Variants in TTC6 observed in about 807,000 individuals in gnomAD.
TTC6 encodes tetratricopeptide repeat domain 6, also known as tetratricopeptide repeat protein 6.
TTC6 carries 172 observed loss-of-function variants against 210.4 expected under a neutral mutation model. The ratio of observed to expected loss-of-function variants is 0.82; its 90% CI spans 0.72 to 0.93. The LOEUF is 0.93. Ranked by LOEUF, TTC6 falls within the 40% of genes least tolerant of loss-of-function variation. TTC6 has a pLI of 0.00. For synonymous variants in TTC6, 804 were observed against 819.6 expected (o/e 0.98, Z 0.32); for missense variants, 2,414 against 2,318.1 (o/e 1.04, Z -0.85).
intron 14 of TTC6, among the ~76,000 whole-genome samples, chr14:37,756,458 C>T (rs2095968059): frequency 6.6e-6 from 1 of 152,092 alleles, no homozygotes; most frequent in South Asian, 2.1e-4. Flanking sequence ...AGCATTTGGC[C>T]ATTCTGTGTG....
chr14:37,743,398 T>C (rs2095926934), intron 10 of TTC6, among the ~76,000 whole-genome samples: 1 of 152,238 alleles, frequency 6.6e-6, no homozygotes, highest in African/African-American at 2.4e-5. Context: ...CATAGCAAGA[T>C]CTTGTTTCCT....
At chr14:37,632,372 C>G (rs2095671577) in intron 1 of TTC6, among the ~76,000 whole-genome samples, 1 of 152,190 alleles carries the variant, frequency 6.6e-6, no homozygotes, top group African/African-American at 2.4e-5. Flanking sequence ...ACAGTGAAGC[C>G]TCCCTGCTGC....
intron 1 of TTC6, among the ~76,000 whole-genome samples, chr14:37,605,761 T>C (rs2095623993): frequency 6.6e-6 from 1 of 152,190 alleles, no homozygotes; most frequent in East Asian, 1.9e-4. Context: ...AAAGTGTAAA[T>C]GGAATGCTAA....
intron 2 of TTC6, among the ~76,000 whole-genome samples, chr14:37,609,023 T>C (rs2095629976): frequency 6.6e-6 from 1 of 152,236 alleles, no homozygotes; most frequent in Non-Finnish European, 1.5e-5. Flanking sequence ...AACATTTCCA[T>C]ATGAAGGCAT....
chr14:37,791,700 T>A (rs1162328158), intron 16 of TTC6, among the ~76,000 whole-genome samples: 1 of 152,146 alleles, frequency 6.6e-6, no homozygotes, highest in Non-Finnish European at 1.5e-5. Flanking sequence ...TGAGGTTGGA[T>A]TATTGGATGG....
intron 23 of TTC6, 83 bp downstream of exon 25, chr14:37,807,543 T>C: frequency 8.1e-7 from 1 of 1,233,950 alleles, no homozygotes; most frequent in East Asian, 2.7e-5. Flanking sequence ...ACTTACTTTT[T>C]TTCTATGTGG....
chr14:37,707,812 A>G (rs2095838281), intron 5 of TTC6, among the ~76,000 whole-genome samples: 1 of 152,098 alleles, frequency 6.6e-6, no homozygotes, highest in Non-Finnish European at 1.5e-5. Context: ...CCCAAAGTTA[A>G]TATTGGATAG....
chr14:37,692,936 G>T (rs2095806703), intron 3 of TTC6, among the ~76,000 whole-genome samples: 1 of 151,916 alleles, frequency 6.6e-6, no homozygotes, highest in Admixed American at 6.6e-5. Flanking sequence ...CTCACAGCTA[G>T]TATCATACTG....
chr14:37,628,884 T>G (rs1266921520), intron 1 of TTC6, among the ~76,000 whole-genome samples: 1 of 152,222 alleles, frequency 6.6e-6, no homozygotes, highest in African/African-American at 2.4e-5. Flanking sequence ...CACTGCTTGT[T>G]TTTGTCAGGT....
At chr14:37,707,517 T>G (rs922927842) in intron 5 of TTC6, among the ~76,000 whole-genome samples, 3 of 152,074 alleles carry the variant, frequency 2.0e-5, no homozygotes, top group Non-Finnish European at 4.4e-5. Flanking sequence ...CCTTCTAATT[T>G]TCATTGTGAG....
chr14:37,597,005 A>T (rs988018869), intron 1 of TTC6, among the ~76,000 whole-genome samples: 1 of 138,548 alleles, frequency 7.2e-6, no homozygotes, highest in South Asian at 2.3e-4. Context: ...ATTGGATTAC[A>T]TTTTTTTTTT....
At chr14:37,737,812 TAA>T in intron 9 of TTC6, 78 bp downstream of exon 11, 163 of 784,950 alleles carry the variant, frequency 2.1e-4, no homozygotes, top group South Asian at 3.0e-4. Context: ...TATTTTTTTT[TAA>T]AAGCATCTAC....
At chr14:37,618,452 T>G (rs2139282652), upstream of TTC6, among the ~76,000 whole-genome samples, 1 of 152,362 alleles carries the variant, frequency 6.6e-6, no homozygotes, top group East Asian at 1.9e-4. Flanking sequence ...GCTGCCTATT[T>G]GACACATCAT....
chr14:37,751,221 C>T (rs1264786062), exon 13 of TTC6: 15 of 1,517,146 alleles, frequency 9.9e-6, no homozygotes, highest in East Asian at 9.9e-5. Context: ...GATGACTTTT[C>T]GAAAGTAAGC....
intron 20 of TTC6, among the ~76,000 whole-genome samples, chr14:37,803,348 A>G (rs1039929657): frequency 2.0e-5 from 3 of 152,122 alleles, no homozygotes; most frequent in Admixed American, 6.5e-5. Flanking sequence ...ATTTTTTTGA[A>G]TTATATAGCT....
chr14:37,600,500 C>A (rs920013019), intron 1 of TTC6, among the ~76,000 whole-genome samples: 1 of 152,192 alleles, frequency 6.6e-6, no homozygotes, highest in Non-Finnish European at 1.5e-5. Context: ...GCCCCTCCCC[C>A]CACACACCCA....
At chr14:37,685,606 C>G (rs1163082792) in intron 3 of TTC6, among the ~76,000 whole-genome samples, 1 of 152,132 alleles carries the variant, frequency 6.6e-6, no homozygotes, top group Non-Finnish European at 1.5e-5. Flanking sequence ...AGCTGATAAA[C>G]TTATGCTTTG....
At chr14:37,687,749 G>A (rs1355373467) in intron 3 of TTC6, among the ~76,000 whole-genome samples, 1 of 152,106 alleles carries the variant, frequency 6.6e-6, no homozygotes, top group African/African-American at 2.4e-5. Context: ...GTTGTGGTAA[G>A]ATTCATCACC....
intron 1 of TTC6, among the ~76,000 whole-genome samples, chr14:37,633,051 C>T (rs1016175375): frequency 2.6e-5 from 4 of 152,200 alleles, no homozygotes; most frequent in Non-Finnish European, 5.9e-5. Flanking sequence ...GATCTTAGCT[C>T]GCTGGGCTCC....
Sources: gnomAD v4.1 joint callset for allele counts (sites outside exome capture counted in the v4.1 genomes callset) on GRCh38, gnomAD v4.1.1 for gene constraint, MANE v1.5 for transcripts, NCBI Gene and HGNC (gene_info 2026-07-23, HGNC 2026-07-21) for gene names.